KDM4C: variants seen among roughly 807,000 people sequenced by gnomAD.
KDM4C encodes lysine-specific demethylase 4C.
KDM4C carries 81 observed loss-of-function variants against 129.3 expected under a neutral mutation model. The observed-to-expected ratio is 0.63, with a 90% CI of 0.52 to 0.75. KDM4C has a LOEUF of 0.75. Among genes scored for constraint, KDM4C ranks in the 30% least tolerant of loss-of-function variants. The pLI, the probability that KDM4C is intolerant of heterozygous loss-of-function variation, is 0.00. For synonymous variants in KDM4C, 573 were observed against 456.1 expected, an observed-to-expected ratio of 1.26 and a Z score of -3.26; for missense variants, 1,457 against 1,304.0, an observed-to-expected ratio of 1.12 and a Z score of -1.81.
intron 8 of KDM4C, among the ~76,000 whole-genome samples, chr9:6,964,335 C>T (rs369180039): frequency 1.3e-5 from 2 of 151,584 alleles, no homozygotes; most frequent in East Asian, 1.9e-4. Context: ...TGAGAACATG[C>T]GGGGTTTGGT....
chr9:6,906,458 C>T (rs1032173037), intron 8 of KDM4C, among the ~76,000 whole-genome samples: 1 of 152,104 alleles, frequency 6.6e-6, no homozygotes, highest in African/African-American at 2.4e-5. Context: ...AAGTCTTCTG[C>T]CTCAATGGTT....
chr9:7,039,746 G>C (rs1407932710), intron 15 of KDM4C, among the ~76,000 whole-genome samples: 2 of 152,026 alleles, frequency 1.3e-5, no homozygotes, highest in Non-Finnish European at 2.9e-5. Flanking sequence ...TATTCATTGA[G>C]TGGATCATCA....
intron 18 of KDM4C, among the ~76,000 whole-genome samples, chr9:7,118,956 T>G (rs1227213969): frequency 6.6e-6 from 1 of 152,138 alleles, no homozygotes; most frequent in Non-Finnish European, 1.5e-5. Flanking sequence ...CTTCCCTCAT[T>G]CTACCTCACA....
At position 6,757,979 on chromosome 9, in the gene KDM4C, G is replaced by C. The variant is rs1588079356; in HGVS notation, c.-242G>C. The C allele has an allele frequency of 2.0e-6, 2 of 985,388 alleles. No individual in the cohort carries two copies. The highest frequency in any genetic ancestry group is 3.5e-5 in the African/African-American group (2 of 57,352). The allele number at this position is 985,388 out of a possible 1,614,324, so 61.0% of individuals were successfully genotyped here. A position where few individuals can be genotyped will look rare whatever the true frequency, so the allele number is the denominator to read the frequency against. ...CGCGCGCCCTCGCGCAGGGAGAGCC[G>C]GCGGTGCGCGCGCCTTCGCCGCTGC... On this transcript the variant is annotated 5_prime_UTR_variant, in exon 1 of 22. Coordinates refer to ENST00000381309, the MANE Select transcript of KDM4C (RefSeq NM_015061.6).
chr9:6,919,553 A>G lies in KDM4C; in HGVS notation c.921+26321A>G, dbSNP rs866206444. Among the ~76,000 whole-genome samples the G allele has an allele frequency of 8.2e-3, 956 of 116,394 alleles. 16 individuals are homozygous for G. The highest frequency in any genetic ancestry group is 0.046 in the East Asian group (177 of 3,876). 76.4% of individuals were successfully genotyped at this position (116,394 alleles called of 152,430 possible). On this transcript the variant is annotated intron_variant, in intron 8 of 21. Coordinates refer to ENST00000381309, the MANE Select transcript of KDM4C (RefSeq NM_015061.6). ...CATCTGTCTGTCTGTCTGTCTATCT[A>G]TCTATCTATCTATCTATCTATCTAT...
chr9:7,081,823 C>G (rs953959834), intron 17 of KDM4C, among the ~76,000 whole-genome samples: 2 of 152,056 alleles, frequency 1.3e-5, no homozygotes, highest in African/African-American at 4.8e-5. Flanking sequence ...AGAAGATAGA[C>G]CAGGTGCTGG....
chr9:6,809,940 T>C (rs1588432511), intron 3 of KDM4C, among the ~76,000 whole-genome samples: 1 of 152,220 alleles, frequency 6.6e-6, no homozygotes, highest in East Asian at 1.9e-4. Context: ...CCGTGAGTCG[T>C]GATTGCACCG....
In KDM4C at chr9:7,013,961, C is replaced by G; in HGVS notation, c.2142C>G (p.Leu714=). The change falls in exon 14 of 22, where the codon CTC becomes CTG. Residue 714 remains leucine, a synonymous_variant. Coordinates refer to ENST00000381309, the MANE Select transcript of KDM4C (RefSeq NM_015061.6). ...NAFLEEDGTS[L]LISCAKCCVR... is the part of the protein sequence containing the mutation. ...TCCTTGAAGAGGATGGAACAAGTCT[C>G]CTTATTTCCTGTGCAAAGTGCTGCG... is the stretch of plus-strand genomic sequence containing the variant. 6.2e-7 allele frequency: 1 copy of G among 1,613,940 alleles called. No homozygotes were observed. The highest frequency in any genetic ancestry group is 8.5e-7 in the Non-Finnish European group (1 of 1,179,868).
At chr9:7,002,625 G>C (rs1008259814) in intron 12 of KDM4C, among the ~76,000 whole-genome samples, 4 of 152,100 alleles carry the variant, frequency 2.6e-5, no homozygotes, top group Non-Finnish European at 5.9e-5. Flanking sequence ...TTCTTTAGGA[G>C]TTTTCTTCTT....
Position 6,759,272 on chromosome 9 carries a change from A to G in KDM4C, c.-18+1069A>G, listed in dbSNP as rs546417781. 3.9e-5 allele frequency among the ~76,000 whole-genome samples: 6 copies of G among 152,298 alleles called. No individual in the cohort carries two copies. In the South Asian group the frequency reaches 1.2e-3, roughly 32 times the overall value. ...ATTTTCACCCATTTCAGTTTGCGGTATTTAAAAAAATGTCTAAATTCCGGG... is the reference window on the plus strand; with the variant it reads ...ATTTTCACCCATTTCAGTTTGCGGTGTTTAAAAAAATGTCTAAATTCCGGG... On this transcript the variant is annotated intron_variant, in intron 1 of 21. Coordinates refer to ENST00000381309, the MANE Select transcript of KDM4C (RefSeq NM_015061.6).
chr9:6,732,224 G>C (rs1817365875), intron 1 of KDM4C, among the ~76,000 whole-genome samples: 1 of 151,402 alleles, frequency 6.6e-6, no homozygotes, highest in African/African-American at 2.4e-5. Flanking sequence ...AATTAGCCGG[G>C]CGTGGTGGTG....
chr9:6,987,230 T>G (rs547904889), intron 11 of KDM4C, among the ~76,000 whole-genome samples: 5 of 152,184 alleles, frequency 3.3e-5, no homozygotes, highest in African/African-American at 1.2e-4. Flanking sequence ...TCTTTCCTCA[T>G]GGACCCTGAA....
chr9:6,849,833 A>G (rs564530613), intron 5 of KDM4C, 133 bp downstream of exon 5: 1 of 690,394 alleles, frequency 1.4e-6, no homozygotes, highest in Admixed American at 2.7e-5. Context: ...TTTTGACTGT[A>G]ATAGTTAATT....
At chr9:6,892,185 A>C (rs1408076522) in intron 7 of KDM4C, among the ~76,000 whole-genome samples, 1 of 152,220 alleles carries the variant, frequency 6.6e-6, no homozygotes, top group Non-Finnish European at 1.5e-5. Flanking sequence ...ATTTAAAGAT[A>C]TAAGGGGTCT....
chr9:6,731,464 T>G (rs1050865674), intron 1 of KDM4C, among the ~76,000 whole-genome samples: 2 of 151,806 alleles, frequency 1.3e-5, no homozygotes, highest in Non-Finnish European at 2.9e-5. Flanking sequence ...GTAGCTGGGA[T>G]TACAGGCATG....
intron 18 of KDM4C, among the ~76,000 whole-genome samples, chr9:7,124,461 T>A (rs1168948069): frequency 2.0e-5 from 3 of 152,096 alleles, no homozygotes; most frequent in Non-Finnish European, 4.4e-5. Context: ...AGTTGTAACC[T>A]GTAAGAAGTA....
intron 5 of KDM4C, among the ~76,000 whole-genome samples, chr9:6,864,602 G>A (rs976367818): frequency 2.0e-5 from 3 of 151,518 alleles, no homozygotes; most frequent in African/African-American, 4.8e-5. Context: ...CTCCATAGCT[G>A]GGATTACAGG....
chr9:7,037,727 C>A (rs1420957209), intron 15 of KDM4C, among the ~76,000 whole-genome samples: 1 of 152,026 alleles, frequency 6.6e-6, no homozygotes, highest in Non-Finnish European at 1.5e-5. Flanking sequence ...ATCTTTTAAC[C>A]ACCCTGAGGA....
At chr9:6,961,155 A>G (rs1337390376) in intron 8 of KDM4C, among the ~76,000 whole-genome samples, 2 of 152,234 alleles carry the variant, frequency 1.3e-5, no homozygotes, top group East Asian at 3.8e-4. Context: ...GACAAAATTT[A>G]TTTACTAAAG....
Sources: allele counts gnomAD v4.1 joint callset (sites outside exome capture counted in the v4.1 genomes callset), GRCh38; gene constraint gnomAD v4.1.1; transcripts MANE v1.5; gene names NCBI Gene and HGNC (gene_info 2026-07-23, HGNC 2026-07-21).